Variants in NKD1 observed in about 807,000 individuals in gnomAD.
NKD1 encodes the protein protein naked cuticle homolog 1.
NKD1 carries 21 observed loss-of-function variants against 56.0 expected under a neutral mutation model. That is an observed-to-expected ratio of 0.38 (90% CI 0.27 to 0.54). The LOEUF (loss-of-function observed/expected upper bound fraction) is 0.54. NKD1 is among the 20% of genes least tolerant of loss of function. The pLI, the probability that NKD1 is intolerant of heterozygous loss-of-function variation, is 0.82. For synonymous variants in NKD1, 263 were observed against 265.7 expected, an observed-to-expected ratio of 0.99 and a Z score of 0.10; for missense variants, 578 against 642.7, an observed-to-expected ratio of 0.90 and a Z score of 1.09.
intron 3 of NKD1, among the ~76,000 whole-genome samples, chr16:50,597,195 G>A (rs1409774502): frequency 6.6e-6 from 1 of 152,142 alleles, no homozygotes; most frequent in Non-Finnish European, 1.5e-5. Context: ...GTTTCAGGGT[G>A]TGTTTTGAGG....
chr16:50,614,244 G>A (rs1407191704), intron 4 of NKD1, among the ~76,000 whole-genome samples: 3 of 152,044 alleles, frequency 2.0e-5, no homozygotes, highest in African/African-American at 4.8e-5. Context: ...GGATTCTTTC[G>A]GTTCTTTTGG....
At chr16:50,550,044 G>A (rs1960344076) in intron 3 of NKD1, among the ~76,000 whole-genome samples, 2 of 152,098 alleles carry the variant, frequency 1.3e-5, no homozygotes, top group Admixed American at 1.3e-4. Context: ...GCGGCCCTCT[G>A]GGTAGCAGAT....
At chr16:50,584,024 G>A (rs543198286) in intron 3 of NKD1, among the ~76,000 whole-genome samples, 1 of 152,332 alleles carries the variant, frequency 6.6e-6, no homozygotes, top group South Asian at 2.1e-4. Context: ...TCAGTTAGCT[G>A]TTGCCATGTT....
intron 3 of NKD1, among the ~76,000 whole-genome samples, chr16:50,590,478 C>T (rs1961341578): frequency 6.6e-6 from 1 of 152,158 alleles, no homozygotes; most frequent in Non-Finnish European, 1.5e-5. Context: ...TCTTTATGTA[C>T]TTTATATTCA....
intron 6 of NKD1, among the ~76,000 whole-genome samples, chr16:50,625,876 G>C (rs967544968): frequency 6.6e-6 from 1 of 152,208 alleles, no homozygotes; most frequent in African/African-American, 2.4e-5. Context: ...GGGCCTCTCT[G>C]GAGATGGCCC....
chr16:50,585,413 G>A (rs1402569064), intron 3 of NKD1, among the ~76,000 whole-genome samples: 2 of 152,186 alleles, frequency 1.3e-5, no homozygotes, highest in Non-Finnish European at 2.9e-5. Context: ...GAACCCTGCC[G>A]GCCAAGGAAT....
Position 50,612,412 on chromosome 16 carries a change from A to G in NKD1, c.259+4052A>G, listed in dbSNP as rs77626629. Among the ~76,000 whole-genome samples, 1,141 of 152,314 alleles carry G rather than the reference A, an allele frequency of 7.5e-3. 34 individuals are homozygous for G. In the East Asian group the frequency reaches 0.091, roughly 12 times the overall value. On this transcript the variant is annotated intron_variant, in intron 4 of 9. Transcript: ENST00000268459. Reference sequence around the variant, plus strand: ...TCTGGCCCCTCACTCCTCACCATTCAGTATGTGCTGGGCATTTGCTGCAGC... The same window carrying G: ...TCTGGCCCCTCACTCCTCACCATTCGGTATGTGCTGGGCATTTGCTGCAGC...
At chr16:50,616,612 A>G (rs528419722) in intron 4 of NKD1, among the ~76,000 whole-genome samples, 3 of 152,148 alleles carry the variant, frequency 2.0e-5, no homozygotes, top group South Asian at 2.1e-4. Flanking sequence ...GCATTGGGCA[A>G]CCCGGGAGCA....
chr16:50,561,267 G>A (rs533941147), intron 3 of NKD1, among the ~76,000 whole-genome samples: 1 of 152,202 alleles, frequency 6.6e-6, no homozygotes, highest in South Asian at 2.1e-4. Flanking sequence ...ATGCTGCGCT[G>A]GGAACCCTGA....
chr16:50,607,892 G>A, intron 3 of NKD1: 1 of 197,660 alleles, frequency 5.1e-6, no homozygotes, highest in Non-Finnish European at 1.1e-5. Flanking sequence ...CTGTGGACCA[G>A]CAACACTCCC....
intron 3 of NKD1, among the ~76,000 whole-genome samples, chr16:50,605,701 A>G (rs952724235): frequency 1.3e-5 from 2 of 152,222 alleles, no homozygotes; most frequent in Admixed American, 6.5e-5. Flanking sequence ...ATATGCAAAT[A>G]CTACACCATT....
rs71928407 is a variant in NKD1 at position 50,623,725 on chromosome 16, CTGTGTGTGTGTGTGTG to C, written c.367-1736_367-1721del. Among the ~76,000 whole-genome samples, 2 of 141,548 alleles carry C rather than the reference CTGTGTGTGTGTGTGTG, an allele frequency of 1.4e-5. No individual in the cohort carries two copies. The highest frequency in any genetic ancestry group is 7.0e-5 in the Admixed American group (1 of 14,198). The allele number at this position is 141,548 out of a possible 152,430, so 92.9% of individuals were successfully genotyped here. On this transcript the variant is annotated intron_variant, in intron 5 of 9. Coordinates refer to ENST00000268459, the MANE Select transcript of NKD1 (RefSeq NM_033119.5). This position sits in a 1 kb window ranked among gnomAD's most constrained non-coding sequence, Gnocchi z 4.1. ...AAGCTGTCTTGGAAACAGGTAAGTG[CTGTGTGTGTGTGTGTG>C]TGTGTGTGTGTGTGTGTGTGTGTAC...
intron 3 of NKD1, among the ~76,000 whole-genome samples, chr16:50,595,962 T>C (rs1245053053): frequency 6.6e-6 from 1 of 152,220 alleles, no homozygotes; most frequent in Non-Finnish European, 1.5e-5. Context: ...TGGTGTGTGC[T>C]GGTTGGGATG....
At chr16:50,608,868 C>T (rs1190560912) in intron 4 of NKD1, among the ~76,000 whole-genome samples, 19 of 152,194 alleles carry the variant, frequency 1.2e-4, no homozygotes, top group Admixed American at 1.2e-3. Context: ...TGCTCTGTCA[C>T]CCAGGCTGGA....
intron 3 of NKD1, chr16:50,552,044 T>C (rs1960398924): frequency 6.6e-6 from 1 of 152,228 alleles, no homozygotes; most frequent in South Asian, 2.1e-4. Flanking sequence ...CAAAGTCTGC[T>C]GGTTTCCAAG....
Position 50,572,910 on chromosome 16 carries a change from G to C in NKD1, c.192+23355G>C, listed in dbSNP as rs568539853. 5 of 980,462 alleles carry C rather than the reference G, an allele frequency of 5.1e-6. No homozygotes were observed. The East Asian group carries it at 5.7e-4, about 111-fold the overall frequency. The allele number at this position is 980,462 out of a possible 1,614,324, so 60.7% of individuals were successfully genotyped here. A position where few individuals can be genotyped will look rare whatever the true frequency, so the allele number is the denominator to read the frequency against. ...GTCGGAAGGGGTGCTGACCTGCCCC[G>C]TGCAGAAGAGGGTGGGAGAGTGGGC... On this transcript the variant is annotated intron_variant, in intron 3 of 9. Transcript: ENST00000268459.
intron 3 of NKD1, among the ~76,000 whole-genome samples, chr16:50,561,076 G>A (rs1353796394): frequency 6.6e-6 from 1 of 152,082 alleles, no homozygotes; most frequent in Non-Finnish European, 1.5e-5. Context: ...TTGGGCCTGG[G>A]TCAGTGCTCC....
At chr16:50,571,945 A>C (rs73589908) in intron 3 of NKD1, among the ~76,000 whole-genome samples, 13,767 of 151,866 alleles carry the variant, frequency 0.091, 1,074 homozygotes, top group African/African-American at 0.21. Context: ...GCCGCCCTTC[A>C]CCTCACTCCG....
At chr16:50,580,583 G>A (rs1001166724) in intron 3 of NKD1, among the ~76,000 whole-genome samples, 6 of 152,224 alleles carry the variant, frequency 3.9e-5, no homozygotes, top group African/African-American at 1.2e-4. Flanking sequence ...TGTCATTTTT[G>A]GCAGAAATTG....
Sources: gnomAD v4.1 joint callset for allele counts (sites outside exome capture counted in the v4.1 genomes callset) on GRCh38, gnomAD v4.1.1 for gene constraint, Gnocchi (gnomAD v3.1) non-coding constraint, MANE v1.5 for transcripts, NCBI Gene and HGNC (gene_info 2026-07-23, HGNC 2026-07-21) for gene names.